Variants in EPHA6 observed in about 807,000 individuals in gnomAD.
The protein encoded by EPHA6 is ephrin type-A receptor 6.
Under a neutral mutation model 112.0 loss-of-function variants are expected in EPHA6, and 50 were observed. The ratio of observed to expected loss-of-function variants is 0.45; its 90% confidence interval spans 0.36 to 0.56. The LOEUF is 0.56. Among genes scored for constraint, EPHA6 ranks in the 20% least tolerant of loss-of-function variants. The probability of loss-of-function intolerance (pLI) is 0.00; values close to 1 mark genes in which losing one functional copy is unlikely to be tolerated. For synonymous variants in EPHA6, 529 were observed against 490.7 expected (o/e 1.08, Z -1.03); for missense variants, 1,280 against 1,417.4 (o/e 0.90, Z 1.56).
chr3:97,085,639 G>T (rs972798707), intron 3 of EPHA6, among the ~76,000 whole-genome samples: 2 of 151,920 alleles, frequency 1.3e-5, no homozygotes, highest in Non-Finnish European at 2.9e-5. Flanking sequence ...TTATCCAAAA[G>T]AATTTACTAC....
At chr3:97,639,385 A>T (rs1255753270) in intron 14 of EPHA6, among the ~76,000 whole-genome samples, 1 of 152,046 alleles carries the variant, frequency 6.6e-6, no homozygotes, top group African/African-American at 2.4e-5. Flanking sequence ...TTTATAACTT[A>T]AAACAACTTT....
At chr3:97,256,122 A>G (rs1042211264) in intron 5 of EPHA6, among the ~76,000 whole-genome samples, 1 of 152,148 alleles carries the variant, frequency 6.6e-6, no homozygotes, top group Admixed American at 6.5e-5. Flanking sequence ...TCATTCTTCT[A>G]CTGCAATCTA....
At chr3:97,133,315 T>G (rs558935314) in intron 3 of EPHA6, among the ~76,000 whole-genome samples, 2 of 152,128 alleles carry the variant, frequency 1.3e-5, no homozygotes, top group South Asian at 4.2e-4. Context: ...GCAACAAGGT[T>G]TTTTAAGATA....
chr3:97,215,448 A>G (rs1559803721), intron 3 of EPHA6, among the ~76,000 whole-genome samples: 2 of 152,116 alleles, frequency 1.3e-5, no homozygotes, highest in Non-Finnish European at 2.9e-5. Flanking sequence ...AAATTGTTGT[A>G]TAAGATAATT....
At chr3:97,586,361 T>C (rs2093487739) in intron 11 of EPHA6, among the ~76,000 whole-genome samples, 1 of 152,178 alleles carries the variant, frequency 6.6e-6, no homozygotes, top group African/African-American at 2.4e-5. Flanking sequence ...ATTTTTCCAA[T>C]GCTTTACATT....
intron 6 of EPHA6, among the ~76,000 whole-genome samples, chr3:97,413,835 A>ATATAAATTT (rs2087912187): frequency 6.6e-6 from 1 of 152,030 alleles, no homozygotes; most frequent in African/African-American, 2.4e-5. Context: ...TAGTTTTTAA[A>ATATAAATTT]TATAAATTTC....
intron 3 of EPHA6, among the ~76,000 whole-genome samples, chr3:97,003,730 A>G (rs2043763513): frequency 6.6e-6 from 1 of 152,074 alleles, no homozygotes; most frequent in Admixed American, 6.6e-5. Context: ...ACATAGGTAT[A>G]TTTGTGCCAT....
chr3:96,983,456 T>C (rs1483907575), intron 2 of EPHA6, among the ~76,000 whole-genome samples: 4 of 152,182 alleles, frequency 2.6e-5, no homozygotes, highest in African/African-American at 4.8e-5. Flanking sequence ...TTGTGGGTAA[T>C]GTGACCTTTC....
intron 2 of EPHA6, among the ~76,000 whole-genome samples, chr3:96,905,309 G>GT (rs1405871490): frequency 6.6e-6 from 1 of 151,696 alleles, no homozygotes; most frequent in East Asian, 1.9e-4. Flanking sequence ...GAAATATTTT[G>GT]TTTTAAAATT....
intron 14 of EPHA6, among the ~76,000 whole-genome samples, chr3:97,696,648 T>C (rs889541100): frequency 1.3e-5 from 2 of 152,138 alleles, no homozygotes; most frequent in Admixed American, 6.5e-5. Context: ...AAGAATGTAT[T>C]CTTCTAGCAA....
chr3:97,211,758 G>T (rs1013843973), intron 3 of EPHA6, among the ~76,000 whole-genome samples: 1 of 152,154 alleles, frequency 6.6e-6, no homozygotes, highest in African/African-American at 2.4e-5. Context: ...CTATTCTACA[G>T]AAGTGAAAAC....
At chr3:97,181,902 CTG>C (rs764170794) in intron 3 of EPHA6, among the ~76,000 whole-genome samples, 4 of 152,110 alleles carry the variant, frequency 2.6e-5, no homozygotes, top group Non-Finnish European at 5.9e-5. Flanking sequence ...GGGACTGTCA[CTG>C]TGCTTTTTTG....
At chr3:96,962,946 G>A (rs2041997978) in intron 2 of EPHA6, among the ~76,000 whole-genome samples, 1 of 152,072 alleles carries the variant, frequency 6.6e-6, no homozygotes, top group African/African-American at 2.4e-5. Context: ...TTGAGCCCAG[G>A]AGTTTGAGAC....
chr3:97,328,078 T>A lies in EPHA6; in HGVS notation c.1607-77072T>A, dbSNP rs867157434. Among the ~76,000 whole-genome samples the A allele has an allele frequency of 1.3e-3, 185 of 137,968 alleles. 1 individual carries two copies. Among genetic ancestry groups the A allele is most frequent in the African/African-American group, 4.7e-3 (154 of 32,684 alleles). 90.5% of individuals were successfully genotyped at this position (137,968 alleles called of 152,430 possible). On this transcript the variant is annotated intron_variant, in intron 5 of 17. Coordinates refer to ENST00000389672, the MANE Select transcript of EPHA6 (RefSeq NM_001080448.3). Reference sequence around the variant, plus strand: ...ACATATATATATATATATATATATATAACCTGTTTTGTATAATCATTCATT... The same window carrying A: ...ACATATATATATATATATATATATAAAACCTGTTTTGTATAATCATTCATT...
intron 1 of EPHA6, 41 bp downstream of exon 1, chr3:96,815,049 G>A: frequency 6.8e-7 from 1 of 1,467,186 alleles, no homozygotes; most frequent in Non-Finnish European, 9.1e-7. Flanking sequence ...GTGGGAGGAG[G>A]AGGGTGCTTG....
At chr3:97,550,031 AT>A (rs1300785711) in intron 11 of EPHA6, among the ~76,000 whole-genome samples, 1 of 152,158 alleles carries the variant, frequency 6.6e-6, no homozygotes, top group Non-Finnish European at 1.5e-5. Context: ...AAGGAAAATT[AT>A]TTGCCAAAGC....
chr3:97,367,819 ATAAC>A lies in EPHA6; in HGVS notation c.1607-37330_1607-37327del, dbSNP rs1240097625. Among the ~76,000 whole-genome samples, 5 of 152,282 alleles carry A rather than the reference ATAAC, an allele frequency of 3.3e-5. No individual in the cohort carries two copies. The South Asian group carries it at 6.2e-4, about 19-fold the overall frequency. ...AGAATATCTATATTAAATAAAAAGAATAACAAACTATTCCAGTGAAAAGTTGGTC... is the reference window on the plus strand; with the variant it reads ...AGAATATCTATATTAAATAAAAAGAAAAACTATTCCAGTGAAAAGTTGGTC... On this transcript the variant is annotated intron_variant, in intron 5 of 17. Coordinates refer to ENST00000389672, the MANE Select transcript of EPHA6 (RefSeq NM_001080448.3).
chr3:96,998,981 G>A (rs191920156), intron 3 of EPHA6, among the ~76,000 whole-genome samples: 5 of 151,640 alleles, frequency 3.3e-5, no homozygotes, highest in South Asian at 2.1e-4. Flanking sequence ...TAACTTTTTC[G>A]TTCTTACTTT....
chr3:97,151,328 G>T (rs2076165910), intron 3 of EPHA6, among the ~76,000 whole-genome samples: 1 of 152,004 alleles, frequency 6.6e-6, no homozygotes, highest in South Asian at 2.1e-4. Flanking sequence ...TGTAATCATT[G>T]AATGCATTCC....
Sources: allele counts gnomAD v4.1 joint callset (sites outside exome capture counted in the v4.1 genomes callset), GRCh38; gene constraint gnomAD v4.1.1; transcripts MANE v1.5; gene names NCBI Gene and HGNC (gene_info 2026-07-23, HGNC 2026-07-21).